The following POU2F1 variants were observed in gnomAD, a reference collection of about 807,000 sequenced individuals.
POU2F1 encodes the protein POU class 2 homeobox 1.
A neutral mutation model predicts 84.9 loss-of-function variants in POU2F1; 16 were observed. The ratio of observed to expected loss-of-function variants is 0.19; its 90% CI spans 0.13 to 0.29. The LOEUF (loss-of-function observed/expected upper bound fraction) is 0.29, where lower values mean the gene tolerates loss of function less well. Ranked by LOEUF, POU2F1 falls within the 10% of genes least tolerant of loss-of-function variation. POU2F1 has a pLI of 1.00. For missense variants in POU2F1, 738 were observed against 942.6 expected (o/e 0.78, Z 2.84); for synonymous variants, 368 against 368.3 (o/e 1.00, Z 0.01).
At chr1:167,406,059 G>A (rs1310899375) in intron 13 of POU2F1, among the ~76,000 whole-genome samples, 1 of 124,450 alleles carries the variant, frequency 8.0e-6, no homozygotes, top group Admixed American at 9.1e-5. Context: ...TAGATAAATA[G>A]CACAAGAAAA....
chr1:167,341,742 T>G (rs911287013), intron 2 of POU2F1, among the ~76,000 whole-genome samples: 2 of 152,130 alleles, frequency 1.3e-5, no homozygotes. Flanking sequence ...ACAGCTTAAG[T>G]GTTAGCTCAG....
chr1:167,324,015 A>G (rs1429260967), intron 1 of POU2F1, among the ~76,000 whole-genome samples: 1 of 152,088 alleles, frequency 6.6e-6, no homozygotes, highest in African/African-American at 2.4e-5. Flanking sequence ...TTAAATAACT[A>G]TATAAACCAA....
chr1:167,286,494 A>G (rs1653540078), intron 1 of POU2F1, among the ~76,000 whole-genome samples: 1 of 152,216 alleles, frequency 6.6e-6, no homozygotes, highest in Admixed American at 6.5e-5. Context: ...ACTGCCCTTG[A>G]TTCTTATCTT....
At chr1:167,326,601 T>A (rs6427082) in intron 1 of POU2F1, among the ~76,000 whole-genome samples, 86,259 of 151,950 alleles carry the variant, frequency 0.57, 24,856 homozygotes, top group East Asian at 0.74. Flanking sequence ...ACTGTAGCAA[T>A]GTGAGCTTTT....
intron 3 of POU2F1, among the ~76,000 whole-genome samples, chr1:167,368,995 T>A (rs180875256): frequency 6.6e-6 from 1 of 152,260 alleles, no homozygotes; most frequent in Non-Finnish European, 1.5e-5. Context: ...CCAGTCAGGA[T>A]CCTTATGTAG....
At position 167,299,725 on chromosome 1, in the gene POU2F1, G is replaced by C. The variant is rs1217564138; in HGVS notation, c.62-32745G>C. Among the ~76,000 whole-genome samples the C allele has an allele frequency of 3.1e-5, 4 of 129,622 alleles. No individual in the cohort carries two copies. In the South Asian group the frequency reaches 8.7e-4, roughly 28 times the overall value. 85.0% of individuals were successfully genotyped at this position (129,622 alleles called of 152,430 possible). A position where few individuals can be genotyped will look rare whatever the true frequency, so the allele number is the denominator to read the frequency against. ...TTTTTTTTCATTTTATTTTGCTGCT[G>C]TTCCTCACCTAGTTCCAAAGAGTGG... On this transcript the variant is annotated intron_variant, in intron 1 of 15. Transcript: ENST00000367866.
At chr1:167,345,085 G>A (rs372063567) in intron 2 of POU2F1, among the ~76,000 whole-genome samples, 13 of 152,260 alleles carry the variant, frequency 8.5e-5, no homozygotes, top group East Asian at 5.8e-4. Flanking sequence ...CTTAGAGGAC[G>A]GGTCAATAGG....
intron 2 of POU2F1, among the ~76,000 whole-genome samples, chr1:167,337,377 C>T (rs1657544123): frequency 6.6e-6 from 1 of 151,726 alleles, no homozygotes; most frequent in South Asian, 2.1e-4. Context: ...TGCAGGATTG[C>T]TATAAGAAAG....
chr1:167,296,750 A>G (rs1481479173), intron 1 of POU2F1, among the ~76,000 whole-genome samples: 4 of 152,222 alleles, frequency 2.6e-5, no homozygotes, highest in African/African-American at 4.8e-5. Flanking sequence ...GTGTTCATAT[A>G]TATGTCCATA....
intron 1 of POU2F1, among the ~76,000 whole-genome samples, chr1:167,231,552 C>T (rs1649063256): frequency 6.6e-6 from 1 of 152,218 alleles, no homozygotes; most frequent in Admixed American, 6.5e-5. Flanking sequence ...TATGGCCAGT[C>T]TTTCTGCATT....
At chr1:167,242,446 G>A (rs1247959865) in intron 1 of POU2F1, among the ~76,000 whole-genome samples, 1 of 152,178 alleles carries the variant, frequency 6.6e-6, no homozygotes, top group Non-Finnish European at 1.5e-5. Context: ...AAAACATGGT[G>A]TAAGAAACCC....
At chr1:167,365,438 TA>T (rs1265099602) in intron 2 of POU2F1, 28 bp from the exon 3 acceptor site, 1 of 1,464,684 alleles carries the variant, frequency 6.8e-7, no homozygotes, top group African/African-American at 1.4e-5. Flanking sequence ...TTTCTTTTAA[TA>T]GTTGAAATTA....
intron 2 of POU2F1, among the ~76,000 whole-genome samples, chr1:167,342,082 G>A (rs929953900): frequency 1.7e-4 from 26 of 152,218 alleles, no homozygotes; most frequent in African/African-American, 5.8e-4. Flanking sequence ...ATGGAGCCAC[G>A]ATAGTGGGGT....
chr1:167,394,694 A>T (rs527755263), intron 9 of POU2F1, among the ~76,000 whole-genome samples: 11 of 152,304 alleles, frequency 7.2e-5, no homozygotes, highest in Admixed American at 5.2e-4. Flanking sequence ...GCTGGTGGCT[A>T]TATGGGAAGG....
intron 1 of POU2F1, among the ~76,000 whole-genome samples, chr1:167,301,256 C>G (rs976057849): frequency 6.6e-6 from 1 of 152,094 alleles, no homozygotes; most frequent in African/African-American, 2.4e-5. Context: ...TTTTATGTTT[C>G]TTTAGTCAAA....
chr1:167,261,451 A>G (rs1048912583), intron 1 of POU2F1, among the ~76,000 whole-genome samples: 3 of 152,146 alleles, frequency 2.0e-5, no homozygotes, highest in African/African-American at 7.2e-5. Flanking sequence ...GGTCCTCTGC[A>G]TGGGTTATTT....
At chr1:167,265,904 A>G (rs1651915052) in intron 1 of POU2F1, among the ~76,000 whole-genome samples, 1 of 152,220 alleles carries the variant, frequency 6.6e-6, no homozygotes, top group Non-Finnish European at 1.5e-5. Context: ...TAGGTATTAA[A>G]ACTCAAGCTT....
At chr1:167,315,113 C>G (rs1655792515) in intron 1 of POU2F1, among the ~76,000 whole-genome samples, 2 of 152,136 alleles carry the variant, frequency 1.3e-5, no homozygotes, top group Non-Finnish European at 2.9e-5. Context: ...TGCTATGTTG[C>G]CTATACAGCC....
intron 1 of POU2F1, among the ~76,000 whole-genome samples, chr1:167,319,728 G>A (rs1268774796): frequency 6.6e-6 from 1 of 151,916 alleles, no homozygotes; most frequent in Non-Finnish European, 1.5e-5. Flanking sequence ...CAGACAAAGT[G>A]AGAAAATGTA....
Sources: allele counts gnomAD v4.1 joint callset (sites outside exome capture counted in the v4.1 genomes callset), GRCh38; gene constraint gnomAD v4.1.1; transcripts MANE v1.5; gene names NCBI Gene and HGNC (gene_info 2026-07-23, HGNC 2026-07-21).